The following ADGRL3 variants were observed in gnomAD, a reference collection of about 807,000 sequenced individuals.
The protein encoded by ADGRL3 is calcium-independent alpha-latrotoxin receptor 3.
ADGRL3 carries 62 observed loss-of-function variants against 153.5 expected under a neutral mutation model. The observed-to-expected ratio is 0.40, with a 90% CI of 0.33 to 0.50. The LOEUF (loss-of-function observed/expected upper bound fraction) is 0.50. Ranked by LOEUF, ADGRL3 falls within the 20% of genes least tolerant of loss-of-function variation. The pLI, the probability that ADGRL3 is intolerant of heterozygous loss-of-function variation, is 0.47. For synonymous variants in ADGRL3, 710 were observed against 672.5 expected (o/e 1.06, Z -0.86); for missense variants, 1,641 against 1,859.4 (o/e 0.88, Z 2.16).
At chr4:61,831,067 C>T (rs1405793299) in intron 9 of ADGRL3, among the ~76,000 whole-genome samples, 1 of 150,424 alleles carries the variant, frequency 6.6e-6, no homozygotes, top group African/African-American at 2.4e-5. Flanking sequence ...TTTTGTATTT[C>T]TAGTAGAGAC....
chr4:61,507,711 A>C (rs1309223026), intron 3 of ADGRL3, among the ~76,000 whole-genome samples: 1 of 152,130 alleles, frequency 6.6e-6, no homozygotes, highest in Non-Finnish European at 1.5e-5. Context: ...TCTTACTACC[A>C]TTAAAAAGCA....
intron 6 of ADGRL3, among the ~76,000 whole-genome samples, chr4:61,726,798 C>G (rs1380919332): frequency 6.6e-6 from 1 of 151,954 alleles, no homozygotes; most frequent in Non-Finnish European, 1.5e-5. Flanking sequence ...GTTATGTCCC[C>G]TATAAGTGTC....
chr4:62,017,593 G>C (rs1008077689), intron 21 of ADGRL3, among the ~76,000 whole-genome samples: 1 of 151,966 alleles, frequency 6.6e-6, no homozygotes, highest in Non-Finnish European at 1.5e-5. Context: ...ACTAAGTTCT[G>C]AAGTGAAATG....
intron 1 of ADGRL3, among the ~76,000 whole-genome samples, chr4:61,350,944 T>G (rs1296117969): frequency 6.6e-6 from 1 of 152,156 alleles, no homozygotes; most frequent in Non-Finnish European, 1.5e-5. Flanking sequence ...TGCACCTCAC[T>G]TGAAATCAAA....
rs1231393540 is a variant in ADGRL3, at chr4:61,229,856, G to A, written c.-240+28091G>A. Among the ~76,000 whole-genome samples, 3 of 150,458 alleles carry A rather than the reference G, an allele frequency of 2.0e-5. No individual in the cohort carries two copies. The East Asian group carries it at 5.9e-4, about 30-fold the overall frequency. ...CTGGAACTTGAAGCTGCAGTGAGCCGAGATTGTGAGCTCCAGCCTGGATGA... is the reference window on the plus strand; with the variant it reads ...CTGGAACTTGAAGCTGCAGTGAGCCAAGATTGTGAGCTCCAGCCTGGATGA... On this transcript the variant is annotated intron_variant, in intron 1 of 26. Coordinates refer to ENST00000683033, the MANE Select transcript of ADGRL3 (RefSeq NM_001387552.1).
At chr4:61,386,249 CTA>C (rs1166242181) in intron 2 of ADGRL3, among the ~76,000 whole-genome samples, 1 of 152,056 alleles carries the variant, frequency 6.6e-6, no homozygotes, top group Non-Finnish European at 1.5e-5. Context: ...GATATTTCCC[CTA>C]ATTCTATTAT....
chr4:61,741,114 T>TA (rs1434908504), intron 8 of ADGRL3, among the ~76,000 whole-genome samples: 5 of 152,142 alleles, frequency 3.3e-5, no homozygotes, highest in Non-Finnish European at 7.4e-5. Flanking sequence ...GACAGCTGAG[T>TA]AATGTGAGTG....
chr4:61,312,225 T>C (rs1161257965), intron 1 of ADGRL3, among the ~76,000 whole-genome samples: 1 of 151,994 alleles, frequency 6.6e-6, no homozygotes, highest in African/African-American at 2.4e-5. Context: ...ATGAAAAACA[T>C]AAAAAATGAG....
At chr4:61,269,036 A>T (rs940463027) in intron 1 of ADGRL3, among the ~76,000 whole-genome samples, 2 of 151,690 alleles carry the variant, frequency 1.3e-5, no homozygotes, top group Non-Finnish European at 3.0e-5. Context: ...GTTAGGTCAG[A>T]CATAATGGAT....
Position 61,767,431 on chromosome 4 carries a change from G to A in ADGRL3, c.1399+33877G>A, listed in dbSNP as rs890658055. Among the ~76,000 whole-genome samples the A allele has an allele frequency of 3.3e-5, 5 of 152,176 alleles. No homozygotes were observed. In the Middle Eastern group the frequency reaches 0.01, roughly 311 times the overall value. On this transcript the variant is annotated intron_variant, in intron 8 of 26. Coordinates refer to ENST00000683033, the MANE Select transcript of ADGRL3 (RefSeq NM_001387552.1). The stretch of plus-strand genomic sequence containing the variant: ...AGGGAAACAGACCCTTGAAAAGAAC[G>A]TAATGTGGAGTGAGTAGCCTCCGTA...
chr4:61,823,143 T>G (rs998440244), intron 9 of ADGRL3, among the ~76,000 whole-genome samples: 13 of 152,224 alleles, frequency 8.5e-5, no homozygotes, highest in Non-Finnish European at 1.8e-4. Flanking sequence ...CTTCTGAGGT[T>G]ATTCACTGGC....
chr4:61,922,663 A>G (rs1401850821), intron 13 of ADGRL3, among the ~76,000 whole-genome samples: 3 of 152,234 alleles, frequency 2.0e-5, no homozygotes, highest in African/African-American at 4.8e-5. Flanking sequence ...TTTATTAAAA[A>G]ATAGTAAACA....
At chr4:61,774,918 T>G (rs912479336) in intron 8 of ADGRL3, among the ~76,000 whole-genome samples, 10 of 152,126 alleles carry the variant, frequency 6.6e-5, no homozygotes, top group Admixed American at 2.0e-4. Context: ...ACTGCTGTAG[T>G]TAGTAAGGTT....
At chr4:61,581,732 C>G (rs2098926455) in intron 4 of ADGRL3, among the ~76,000 whole-genome samples, 1 of 152,086 alleles carries the variant, frequency 6.6e-6, no homozygotes, top group South Asian at 2.1e-4. Context: ...CCTACCAAAT[C>G]TGGCTCATGA....
intron 6 of ADGRL3, among the ~76,000 whole-genome samples, chr4:61,696,233 A>G (rs1187831386): frequency 1.3e-5 from 2 of 152,132 alleles, no homozygotes; most frequent in Non-Finnish European, 2.9e-5. Flanking sequence ...TCTTGATCAA[A>G]TTTGTCATTT....
At chr4:61,896,427 T>C (rs1337618111) in intron 11 of ADGRL3, among the ~76,000 whole-genome samples, 2 of 152,194 alleles carry the variant, frequency 1.3e-5, no homozygotes, top group East Asian at 3.9e-4. Flanking sequence ...ATCCTTATTA[T>C]AGCAATTTAT....
intron 8 of ADGRL3, among the ~76,000 whole-genome samples, chr4:61,809,388 G>A (rs1338765221): frequency 6.6e-6 from 1 of 151,918 alleles, no homozygotes; most frequent in Non-Finnish European, 1.5e-5. Flanking sequence ...ATGGGTTAGG[G>A]GAAAAGCATC....
chr4:61,312,156 T>C (rs1277578350), intron 1 of ADGRL3, among the ~76,000 whole-genome samples: 3 of 152,068 alleles, frequency 2.0e-5, no homozygotes, highest in Non-Finnish European at 2.9e-5. Context: ...GCAAAGGCAA[T>C]TTAATAGGGA....
rs1049403468 is a variant in ADGRL3, at chr4:62,070,237, G to C, written c.3961G>C (p.Gly1321Arg). 13 of 1,613,430 alleles carry C rather than the reference G, an allele frequency of 8.1e-6. No homozygotes were observed. The highest frequency in any genetic ancestry group is 1.1e-5 in the Non-Finnish European group (13 of 1,179,798). Residue 1321 changes from glycine to arginine, a missense_variant, in exon 27 of 27, where the codon GGC (glycine) becomes CGC (arginine). Physicochemically the swap from Gly to Arg is moderately radical, Grantham distance 125. This residue lies in a region of ADGRL3 where 517 missense variants were observed against 555.0 expected (regional missense o/e 0.93). Transcript: ENST00000683033. ...CAACTGTGTGCAAATCATAGACCGT[G>C]GCTATAACCATAACGAGACCGCCCT... ...LSNCVQIIDR[G>R]YNHNETALEK...
Sources: gnomAD v4.1 joint callset for allele counts (sites outside exome capture counted in the v4.1 genomes callset) on GRCh38, gnomAD v4.1.1 for gene constraint, gnomAD v4.1.1 regional missense constraint, MANE v1.5 for transcripts, NCBI Gene and HGNC (gene_info 2026-07-23, HGNC 2026-07-21) for gene names.